The following TMC1 variants were observed in gnomAD, a reference collection of about 807,000 sequenced individuals.
TMC1 encodes transmembrane channel-like protein 1.
TMC1 carries 84 observed loss-of-function variants against 105.8 expected under a neutral mutation model. That is an observed-to-expected ratio of 0.79 (90% CI 0.67 to 0.95). The LOEUF (loss-of-function observed/expected upper bound fraction) is 0.95. TMC1 is among the 40% of genes least tolerant of loss of function. The pLI is 0.00. For synonymous variants in TMC1, 315 were observed against 311.5 expected, an observed-to-expected ratio of 1.01 and a Z score of -0.12; for missense variants, 817 against 914.1, an observed-to-expected ratio of 0.89 and a Z score of 1.37.
At chr9:72,570,266 G>T (rs895279811) in intron 1 of TMC1, among the ~76,000 whole-genome samples, 3 of 107,100 alleles carry the variant, frequency 2.8e-5, no homozygotes. Context: ...TGTGTGTGTG[G>T]TAAATACTTA....
intron 9 of TMC1, among the ~76,000 whole-genome samples, chr9:72,740,764 A>C (rs1035491251): frequency 6.6e-6 from 1 of 152,212 alleles, no homozygotes; most frequent in Non-Finnish European, 1.5e-5. Flanking sequence ...AGATATTATT[A>C]TCTCCTCTTT....
At chr9:72,789,370 G>C in intron 15 of TMC1, 53 bp downstream of exon 15, 1 of 1,570,388 alleles carries the variant, frequency 6.4e-7, no homozygotes, top group Admixed American at 1.7e-5. Flanking sequence ...TGTTTCTTTT[G>C]TGGGTTATGT....
intron 2 of TMC1, among the ~76,000 whole-genome samples, chr9:72,603,549 G>GTTTAGTGT (rs1554714807): frequency 6.6e-6 from 1 of 151,216 alleles, no homozygotes; most frequent in South Asian, 2.1e-4. Context: ...GTTTAGTTTA[G>GTTTAGTGT]TGTTGTTGTT....
intron 5 of TMC1, among the ~76,000 whole-genome samples, chr9:72,666,404 G>A (rs11143369): frequency 0.23 from 35,128 of 152,100 alleles, 4,340 homozygotes; most frequent in East Asian, 0.38. Flanking sequence ...GCAAATCTCT[G>A]TTCCCTTCAT....
intron 20 of TMC1, among the ~76,000 whole-genome samples, chr9:72,825,984 T>C (rs1828946725): frequency 6.6e-6 from 1 of 152,200 alleles, no homozygotes; most frequent in Non-Finnish European, 1.5e-5. Context: ...GTCATTGTTA[T>C]TTAGTAGTTG....
chr9:72,590,329 C>G (rs1338762765), intron 2 of TMC1, among the ~76,000 whole-genome samples: 2 of 152,210 alleles, frequency 1.3e-5, no homozygotes, highest in African/African-American at 4.8e-5. Context: ...AATTGTGTAG[C>G]TTTCAAGCTG....
intron 5 of TMC1, among the ~76,000 whole-genome samples, chr9:72,664,899 C>A (rs1192224489): frequency 6.6e-6 from 1 of 152,168 alleles, no homozygotes; most frequent in South Asian, 2.1e-4. Context: ...TGTAGCACAC[C>A]CACTGGGGCT....
rs575197073 is a variant in TMC1 at position 72,747,664 on chromosome 9, G to T, written c.536-4186G>T. ...GGCTGGAGTGCAGTGGCGCAATCTC[G>T]GCTCACTGCAAACCTCTGCCTCCTG... On this transcript the variant is annotated intron_variant, in intron 10 of 23. Transcript: ENST00000297784. Among the ~76,000 whole-genome samples, 7 of 152,124 alleles carry T rather than the reference G, an allele frequency of 4.6e-5. No individual in the cohort carries two copies. The East Asian group carries it at 1.2e-3, about 25-fold the overall frequency.
At chr9:72,655,069 A>G (rs1199478020) in intron 5 of TMC1, among the ~76,000 whole-genome samples, 1 of 152,198 alleles carries the variant, frequency 6.6e-6, no homozygotes, top group Non-Finnish European at 1.5e-5. Flanking sequence ...TAATTGGATC[A>G]TGAGGGCCGT....
chr9:72,537,157 T>C (rs949272808), intron 1 of TMC1, among the ~76,000 whole-genome samples: 1 of 152,196 alleles, frequency 6.6e-6, no homozygotes, highest in African/African-American at 2.4e-5. Flanking sequence ...AGCAGCATCC[T>C]GAGGCAGCAC....
intron 10 of TMC1, among the ~76,000 whole-genome samples, chr9:72,743,344 G>A (rs1177021783): frequency 6.7e-6 from 1 of 148,684 alleles, no homozygotes; most frequent in African/African-American, 2.5e-5. Flanking sequence ...TCCAGCCTGG[G>A]CGACAGAGCG....
intron 5 of TMC1, among the ~76,000 whole-genome samples, chr9:72,663,789 T>A (rs1826001205): frequency 1.9e-5 from 2 of 104,928 alleles, no homozygotes; most frequent in Admixed American, 1.8e-4. Flanking sequence ...TTTTGAACTT[T>A]TGACTCTTGT....
intron 2 of TMC1, among the ~76,000 whole-genome samples, chr9:72,599,043 T>G (rs928085199): frequency 2.0e-5 from 3 of 152,138 alleles, no homozygotes; most frequent in Admixed American, 6.5e-5. Context: ...TTTTTTTTCT[T>G]TTTTTGAGGC....
At chr9:72,598,264 C>G (rs1824751136) in intron 2 of TMC1, among the ~76,000 whole-genome samples, 1 of 152,164 alleles carries the variant, frequency 6.6e-6, no homozygotes, top group Admixed American at 6.5e-5. Context: ...AACTAACAAG[C>G]TCTTGCTCCG....
chr9:72,792,562 C>T (rs988871752), intron 17 of TMC1, among the ~76,000 whole-genome samples: 9 of 152,110 alleles, frequency 5.9e-5, no homozygotes, highest in Admixed American at 4.6e-4. Context: ...ATTTGTATGT[C>T]CCCTTTACAG....
intron 3 of TMC1, among the ~76,000 whole-genome samples, chr9:72,626,950 G>T (rs567398409): frequency 6.6e-6 from 1 of 151,682 alleles, no homozygotes; most frequent in South Asian, 2.1e-4. Context: ...CAATAGCATG[G>T]GTAGATCATA....
At chr9:72,534,442 A>G (rs975806678) in intron 1 of TMC1, among the ~76,000 whole-genome samples, 3 of 152,206 alleles carry the variant, frequency 2.0e-5, no homozygotes, top group African/African-American at 4.8e-5. Context: ...GGGCTCCACC[A>G]AAGAAAGCTA....
chr9:72,623,072 GAAAA>G (rs1825282710), intron 3 of TMC1, among the ~76,000 whole-genome samples: 1 of 133,978 alleles, frequency 7.5e-6, no homozygotes, highest in African/African-American at 2.7e-5. Flanking sequence ...ACAAACAAAA[GAAAA>G]ACAACAACAA....
intron 5 of TMC1, among the ~76,000 whole-genome samples, chr9:72,661,672 G>T (rs1298771637): frequency 6.6e-6 from 1 of 152,006 alleles, no homozygotes; most frequent in Non-Finnish European, 1.5e-5. Flanking sequence ...TATGACTACT[G>T]ACCACTTTTT....
Sources: allele counts gnomAD v4.1 joint callset (sites outside exome capture counted in the v4.1 genomes callset), GRCh38; gene constraint gnomAD v4.1.1; transcripts MANE v1.5; gene names NCBI Gene and HGNC (gene_info 2026-07-23, HGNC 2026-07-21).